SP100: variants seen among roughly 807,000 people sequenced by gnomAD.
SP100 encodes SP100 nuclear body protein.
Under a neutral mutation model 130.0 loss-of-function variants are expected in SP100, and 84 were observed. The ratio of observed to expected loss-of-function variants is 0.65; its 90% CI spans 0.54 to 0.77. SP100 has a LOEUF of 0.77. Among genes scored for constraint, SP100 ranks in the 30% least tolerant of loss-of-function variants. The pLI is 0.00. For synonymous variants in SP100, 331 were observed against 351.7 expected, an observed-to-expected ratio of 0.94 and a Z score of 0.66; for missense variants, 978 against 1,052.2, an observed-to-expected ratio of 0.93 and a Z score of 0.97.
At chr2:230,485,729 A>G (rs972599727) in intron 17 of SP100, among the ~76,000 whole-genome samples, 1 of 152,208 alleles carries the variant, frequency 6.6e-6, no homozygotes, top group Admixed American at 6.5e-5. Flanking sequence ...TATACATGAT[A>G]AAATGTTGGG....
intron 17 of SP100, among the ~76,000 whole-genome samples, chr2:230,493,237 A>G (rs1262327466): frequency 6.6e-6 from 1 of 152,090 alleles, no homozygotes; most frequent in Non-Finnish European, 1.5e-5. Context: ...ATTTTATTTG[A>G]AACAATGTCT....
intron 8 of SP100, among the ~76,000 whole-genome samples, chr2:230,458,411 T>A (rs899474088): frequency 8.3e-4 from 127 of 152,188 alleles, no homozygotes; most frequent in African/African-American, 3.0e-3. Flanking sequence ...AGAGGAGGGG[T>A]TGGCCTTGCT....
chr2:230,417,764 T>C, intron 2 of SP100, 99 bp downstream of exon 2: 1 of 1,486,646 alleles, frequency 6.7e-7, no homozygotes, highest in African/African-American at 1.4e-5. Context: ...AAATTCCCTC[T>C]TCTATAAATT....
At chr2:230,529,241 C>A (rs538563959) in intron 24 of SP100, among the ~76,000 whole-genome samples, 71 of 152,264 alleles carry the variant, frequency 4.7e-4, no homozygotes, top group Non-Finnish European at 8.7e-4. Context: ...GATCAAGTCA[C>A]CTTCATCCCT....
chr2:230,540,736 T>C, intron 25 of SP100, 140 bp from the exon 26 acceptor site: 7 of 1,024,006 alleles, frequency 6.8e-6, no homozygotes, highest in Non-Finnish European at 9.8e-6. Context: ...AATGGGGCTC[T>C]AGTGCAGAGG....
At position 230,543,035 on chromosome 2, in the gene SP100, A is replaced by C; in HGVS notation, c.*89A>C. On this transcript the variant is annotated 3_prime_UTR_variant, in exon 29 of 29. Coordinates refer to ENST00000340126, the MANE Select transcript of SP100 (RefSeq NM_001080391.2). ...CTAATCTGTGACTGCTCCTGTGGAA[A>C]CTCCACATCACAATTCTCCAAAATT... The C allele has an allele frequency of 1.6e-6, 1 of 642,922 alleles. No individual in the cohort carries two copies. Among genetic ancestry groups the C allele is most frequent in the Non-Finnish European group, 2.7e-6 (1 of 368,718 alleles). 39.8% of individuals were successfully genotyped at this position (642,922 alleles called of 1,614,324 possible).
At chr2:230,431,683 G>T (rs1416478301) in intron 2 of SP100, among the ~76,000 whole-genome samples, 1 of 151,704 alleles carries the variant, frequency 6.6e-6, no homozygotes, top group African/African-American at 2.4e-5. Flanking sequence ...TTTTTTACTT[G>T]ATTTCCCTAT....
At position 230,450,154 on chromosome 2, in the gene SP100, G is replaced by T; in HGVS notation, c.737-18G>T. ...CAAGGCTCTACTGGATCTCAGCTGTGATCTCGTTTATCTCCAGAGTCCTGC... is the reference window on the plus strand; with the variant it reads ...CAAGGCTCTACTGGATCTCAGCTGTTATCTCGTTTATCTCCAGAGTCCTGC... On this transcript the variant is annotated intron_variant, in intron 7 of 28. Coordinates refer to ENST00000340126, the MANE Select transcript of SP100 (RefSeq NM_001080391.2). 1 of 1,589,266 alleles carries T rather than the reference G, an allele frequency of 6.3e-7. No homozygotes were observed. The highest frequency in any genetic ancestry group is 1.7e-4 in the Middle Eastern group (1 of 6,016).
At chr2:230,431,051 C>T (rs1053066218) in intron 2 of SP100, among the ~76,000 whole-genome samples, 1 of 152,206 alleles carries the variant, frequency 6.6e-6, no homozygotes, top group Non-Finnish European at 1.5e-5. Flanking sequence ...CTTAGAACTG[C>T]TGACCATGCT....
chr2:230,466,462 T>C, intron 12 of SP100, 108 bp downstream of exon 12: 1 of 665,710 alleles, frequency 1.5e-6, no homozygotes. Flanking sequence ...TGCTATATCC[T>C]TCAAAGTAAA....
At chr2:230,506,248 G>A (rs1468848776) in intron 21 of SP100, 55 bp from the exon 22 acceptor site, 4 of 1,600,082 alleles carry the variant, frequency 2.5e-6, no homozygotes, top group East Asian at 2.2e-5. Flanking sequence ...CATGGGGGGA[G>A]GCCAAGTTCA....
intron 17 of SP100, among the ~76,000 whole-genome samples, chr2:230,486,910 G>A (rs2066131916): frequency 6.6e-6 from 1 of 152,152 alleles, no homozygotes; most frequent in South Asian, 2.1e-4. Context: ...GTTTTGATTT[G>A]CGTTTCTCTA....
intron 2 of SP100, among the ~76,000 whole-genome samples, chr2:230,434,063 G>T (rs1205775004): frequency 6.6e-6 from 1 of 151,672 alleles, no homozygotes; most frequent in Non-Finnish European, 1.5e-5. Flanking sequence ...CTAAGCCAGT[G>T]TTGACACCTG....
intron 23 of SP100, 69 bp downstream of exon 23, chr2:230,508,100 T>G (rs766462722): frequency 8.2e-6 from 13 of 1,589,608 alleles, no homozygotes; most frequent in Non-Finnish European, 1.1e-5. Context: ...TCTGTGGACT[T>G]ACAGTCTTTA....
At chr2:230,524,848 C>T (rs767649106) in intron 24 of SP100, among the ~76,000 whole-genome samples, 1 of 152,086 alleles carries the variant, frequency 6.6e-6, no homozygotes, top group South Asian at 2.1e-4. Context: ...TTTAACATTA[C>T]TAAGGACAAG....
At chr2:230,417,466 T>C in intron 1 of SP100, 125 bp from the exon 2 acceptor site, 1 of 1,214,802 alleles carries the variant, frequency 8.2e-7, no homozygotes, top group Non-Finnish European at 1.1e-6. Flanking sequence ...ATAACAATGA[T>C]TATATATTTC....
At chr2:230,472,021 C>T (rs1442111132) in intron 15 of SP100, among the ~76,000 whole-genome samples, 2 of 152,038 alleles carry the variant, frequency 1.3e-5, no homozygotes, top group Non-Finnish European at 2.9e-5. Context: ...GCTATGTGGT[C>T]AGTGTCCTAA....
At chr2:230,539,012 AT>A in intron 24 of SP100, 1 of 309,176 alleles carries the variant, frequency 3.2e-6, no homozygotes, top group Non-Finnish European at 6.2e-6. Flanking sequence ...AAAATCTCTA[AT>A]TCATCCTATT....
chr2:230,445,192 G>A lies in SP100; in HGVS notation c.439+846G>A, dbSNP rs899862451. Among the ~76,000 whole-genome samples the A allele has an allele frequency of 5.9e-5, 9 of 152,134 alleles. No homozygotes were observed. In the South Asian group the frequency reaches 1.7e-3, roughly 28 times the overall value. On this transcript the variant is annotated intron_variant, in intron 4 of 28. Transcript: ENST00000340126. ...ATGCATAATTTATACTATTAAAATG[G>A]TACACGTTAAAGACGTCCTCCAATT...
Sources: gnomAD v4.1 joint callset for allele counts (sites outside exome capture counted in the v4.1 genomes callset) on GRCh38, gnomAD v4.1.1 for gene constraint, MANE v1.5 for transcripts, NCBI Gene and HGNC (gene_info 2026-07-23, HGNC 2026-07-21) for gene names.